ACP7: variants seen among roughly 807,000 people sequenced by gnomAD.
ACP7 encodes acid phosphatase type 7.
In ACP7, 58 loss-of-function variants were observed where a neutral mutation model predicts 60.6. The ratio of observed to expected loss-of-function variants is 0.96; its 90% CI spans 0.77 to 1.19. The LOEUF is 1.19. ACP7 is among the 50% of genes most tolerant of loss of function. The probability of loss-of-function intolerance (pLI) is 0.00; values close to 1 mark genes in which losing one functional copy is unlikely to be tolerated. For synonymous variants in ACP7, 237 were observed against 232.6 expected (o/e 1.02, Z -0.17); for missense variants, 574 against 596.2 (o/e 0.96, Z 0.39).
chr19:39,098,833 G>A, intron 3 of ACP7, 127 bp from the exon 4 acceptor site: 1 of 1,417,836 alleles, frequency 7.1e-7, no homozygotes, highest in Non-Finnish European at 9.5e-7. Context: ...AAGGCAGACC[G>A]AAGGGGCATG....
intron 4 of ACP7, 45 bp downstream of exon 4, chr19:39,099,187 C>T (rs1163140314): frequency 4.1e-6 from 6 of 1,458,746 alleles, no homozygotes; most frequent in East Asian, 2.6e-5. Flanking sequence ...GGGGGGCGCG[C>T]GCAGGGATGG....
At chr19:39,102,767 C>CTTTCTTTCTTTCTTTCTTTT (rs754172891) in intron 11 of ACP7, among the ~76,000 whole-genome samples, 1 of 101,054 alleles carries the variant, frequency 9.9e-6, no homozygotes, top group African/African-American at 3.5e-5. Flanking sequence ...TTCTTTCTTT[C>CTTTCTTTCTTTCTTTCTTTT]TCTCTCTCTC....
intron 11 of ACP7, 148 bp downstream of exon 11, chr19:39,101,685 C>A: frequency 1.2e-6 from 1 of 853,326 alleles, no homozygotes; most frequent in Non-Finnish European, 1.8e-6. Flanking sequence ...GCGGTATGTT[C>A]ATTGGACGGA....
At chr19:39,086,357 C>T (rs1478040051) in intron 2 of ACP7, among the ~76,000 whole-genome samples, 6 of 151,618 alleles carry the variant, frequency 4.0e-5, no homozygotes, top group African/African-American at 7.3e-5. Context: ...AGGCCAGGCA[C>T]AGTGGTGCAT....
chr19:39,097,428 G>T (rs2073279466), intron 2 of ACP7, among the ~76,000 whole-genome samples: 1 of 151,940 alleles, frequency 6.6e-6, no homozygotes, highest in South Asian at 2.1e-4. Context: ...GCTGGGCATG[G>T]TGACATGTGC....
chr19:39,110,030 G>T, intron 12 of ACP7, 23 bp from the exon 13 acceptor site: 1 of 1,608,076 alleles, frequency 6.2e-7, no homozygotes, highest in Non-Finnish European at 8.5e-7. Flanking sequence ...TCTAACTACT[G>T]TCCCTGTTTT....
At chr19:39,102,722 T>A (rs1421497075) in intron 11 of ACP7, among the ~76,000 whole-genome samples, 23 of 73,506 alleles carry the variant, frequency 3.1e-4, no homozygotes, top group South Asian at 1.6e-3. Context: ...GACTTTTCTT[T>A]CTTTCTTTCT....
At chr19:39,100,151 C>G in intron 4 of ACP7, 76 bp from the exon 5 acceptor site, 1 of 1,576,722 alleles carries the variant, frequency 6.3e-7, no homozygotes, top group African/African-American at 1.3e-5. Context: ...TGTGAGTCAC[C>G]ATACCTGGCT....
chr19:39,086,014 G>A (rs2073137226), intron 2 of ACP7, among the ~76,000 whole-genome samples: 1 of 152,132 alleles, frequency 6.6e-6, no homozygotes, highest in Non-Finnish European at 1.5e-5. Context: ...GTGTAAATGA[G>A]TTGCTACCTG....
chr19:39,090,098 T>G (rs537505500), intron 2 of ACP7, among the ~76,000 whole-genome samples: 1 of 152,306 alleles, frequency 6.6e-6, no homozygotes, highest in East Asian at 1.9e-4. Flanking sequence ...TAGTGTGGTA[T>G]TTGCCTAATG....
At chr19:39,093,198 GTTT>G (rs2073228626) in intron 2 of ACP7, among the ~76,000 whole-genome samples, 1 of 63,292 alleles carries the variant, frequency 1.6e-5, no homozygotes, top group African/African-American at 6.8e-5. Context: ...TTCTTTCTTT[GTTT>G]CTTTCTTTCT....
rs1403214399 is a variant in ACP7, at chr19:39,110,906, C to T, written c.*788C>T. The T allele has an allele frequency of 6.6e-6, 1 of 152,218 alleles. No individual in the cohort carries two copies. Among genetic ancestry groups the T allele is most frequent in the Non-Finnish European group, 1.5e-5 (1 of 68,064 alleles). 9.4% of individuals were successfully genotyped at this position (152,218 alleles called of 1,614,324 possible). On this transcript the variant is annotated 3_prime_UTR_variant, in exon 13 of 13. Transcript: ENST00000331256. ...TGAATGAGACAGAGATCTCGGCCCT[C>T]ACAGAGCTGACATCCTAACCAGAGA...
rs139218660 is a variant in ACP7, at chr19:39,107,079, G to A, written c.1246G>A (p.Asp416Asn). 9 of 1,613,742 alleles carry A rather than the reference G, an allele frequency of 5.6e-6. No individual in the cohort carries two copies. The African/African-American group carries it at 6.7e-5, about 12-fold the overall frequency. Residue 416 changes from aspartate (D) to asparagine (N), a missense_variant, in exon 12 of 13, where the codon GAC becomes AAC. Transcript: ENST00000331256. The stretch of plus-strand genomic sequence containing the variant: ...CATCCACATCCAGCAGGTGTCGGAC[G>A]ACCAGGTCAGTGAGGGGCAGGCCGA... ...THIHIQQVSD[D>N]QDGKIVDDVW...
intron 12 of ACP7, among the ~76,000 whole-genome samples, chr19:39,108,178 C>T (rs916940710): frequency 6.3e-5 from 9 of 143,650 alleles, no homozygotes; most frequent in Admixed American, 3.6e-4. Context: ...CTCGCTCTGT[C>T]ACCCAGGCTG....
intron 4 of ACP7, 116 bp downstream of exon 4, chr19:39,099,258 CA>C: frequency 8.4e-7 from 1 of 1,190,102 alleles, no homozygotes; most frequent in Non-Finnish European, 1.1e-6. Flanking sequence ...GTGGAGGGGA[CA>C]GGGCTGGGGC....
rs149956508 is a variant in ACP7, at chr19:39,110,112, C to G, written c.1311C>G (p.Tyr437Ter). Residue 437 changes from tyrosine to a stop codon, truncating the protein, a stop_gained, in exon 13 of 13, where the codon TAC (tyrosine) becomes TAG (stop). Transcript: ENST00000331256. LOFTEE classifies it high-confidence loss of function. Reference protein sequence around the residue: ...VVRPLFGRRMYL With the variant: ...VVRPLFGRRM ...GACCCCTGTTTGGCCGGAGGATGTA[C>G]CTCTAGGGATGGCGGCAGCTCTCCT... 17 of 1,613,176 alleles carry G rather than the reference C, an allele frequency of 1.1e-5. No individual in the cohort carries two copies. Among genetic ancestry groups the G allele is most frequent in the Non-Finnish European group, 1.4e-5 (17 of 1,179,254 alleles).
intron 2 of ACP7, among the ~76,000 whole-genome samples, 196 bp downstream of exon 2, chr19:39,085,586 T>G (rs541092577): frequency 6.6e-6 from 1 of 152,292 alleles, no homozygotes; most frequent in African/African-American, 2.4e-5. Flanking sequence ...ATCATGGTGC[T>G]CAGCCCACAG....
At position 39,085,396 on chromosome 19, in the gene ACP7, T is replaced by A. The variant is rs756572768; in HGVS notation, c.121+6T>A. On this transcript the variant is annotated splice_donor_region_variant and intron_variant, in intron 2 of 12. Coordinates refer to ENST00000331256, the MANE Select transcript of ACP7 (RefSeq NM_001004318.3). ...AGTCCATCTGTCTTACCCAGGTAAG[T>A]GTCCCTGACTCATTTCTATGCCTCT... 2 of 1,605,540 alleles carry A rather than the reference T, an allele frequency of 1.2e-6. No homozygotes were observed. The highest frequency in any genetic ancestry group is 1.7e-6 in the Non-Finnish European group (2 of 1,176,214).
chr19:39,091,342 T>C (rs912627162), intron 2 of ACP7, among the ~76,000 whole-genome samples: 1 of 151,938 alleles, frequency 6.6e-6, no homozygotes, highest in Non-Finnish European at 1.5e-5. Context: ...TTTGTATTTT[T>C]AGTAGAGACG....
Sources: allele counts gnomAD v4.1 joint callset (sites outside exome capture counted in the v4.1 genomes callset), GRCh38; gene constraint gnomAD v4.1.1; transcripts MANE v1.5; gene names NCBI Gene and HGNC (gene_info 2026-07-23, HGNC 2026-07-21).